IMMP2L: variants seen among roughly 807,000 people sequenced by gnomAD.
IMMP2L encodes inner mitochondrial membrane peptidase subunit 2, also known as mitochondrial inner membrane protease subunit 2.
A neutral mutation model predicts 19.3 loss-of-function variants in IMMP2L; 18 were observed. The ratio of observed to expected loss-of-function variants is 0.93; its 90% CI spans 0.64 to 1.38. The LOEUF (loss-of-function observed/expected upper bound fraction) is 1.38, where lower values mean the gene tolerates loss of function less well. Ranked by LOEUF, IMMP2L falls within the 40% of genes most tolerant of loss-of-function variation. The pLI is 0.00. For synonymous variants in IMMP2L, 76 were observed against 73.0 expected, an observed-to-expected ratio of 1.04 and a Z score of -0.21; for missense variants, 233 against 218.2, an observed-to-expected ratio of 1.07 and a Z score of -0.43.
intron 3 of IMMP2L, among the ~76,000 whole-genome samples, chr7:111,353,819 A>G (rs1445722359): frequency 6.6e-6 from 1 of 152,178 alleles, no homozygotes; most frequent in Non-Finnish European, 1.5e-5. Context: ...GATAGACACC[A>G]TAAACATAGT....
chr7:111,155,468 G>C (rs1052155255), intron 3 of IMMP2L, among the ~76,000 whole-genome samples: 1 of 151,970 alleles, frequency 6.6e-6, no homozygotes. Flanking sequence ...AAATAAATTG[G>C]AACATTAGAA....
intron 3 of IMMP2L, among the ~76,000 whole-genome samples, chr7:111,362,240 T>C (rs1829328953): frequency 6.6e-6 from 1 of 152,078 alleles, no homozygotes; most frequent in Non-Finnish European, 1.5e-5. Context: ...ATGTAATCGT[T>C]TTTATTTCTA....
At chr7:111,288,776 T>C (rs1402707448) in intron 3 of IMMP2L, among the ~76,000 whole-genome samples, 1 of 152,118 alleles carries the variant, frequency 6.6e-6, no homozygotes, top group Non-Finnish European at 1.5e-5. Context: ...CAACAGATGC[T>C]GGAGAGGATG....
rs1691213741 is a variant in IMMP2L, at chr7:110,803,256, A to C, written c.408+83337T>G. Among the ~76,000 whole-genome samples, 1 of 152,002 alleles carries C rather than the reference A, an allele frequency of 6.6e-6. No individual in the cohort carries two copies. Among genetic ancestry groups the C allele is most frequent in the Admixed American group, 6.6e-5 (1 of 15,256 alleles). The stretch of plus-strand genomic sequence containing the variant: ...GGGATGGTGAGGATCAGATAGACCA[A>C]AGAAGAGAGGGTTAGGAAGCAGCTG... On this transcript the variant is annotated intron_variant, in intron 5 of 5. Coordinates refer to ENST00000405709, the MANE Select transcript of IMMP2L (RefSeq NM_032549.4). The surrounding 1 kb of genome is among the most constrained non-coding windows in gnomAD (Gnocchi z 4.2).
intron 4 of IMMP2L, among the ~76,000 whole-genome samples, chr7:110,908,864 C>A (rs1812748106): frequency 6.6e-6 from 1 of 152,188 alleles, no homozygotes; most frequent in Non-Finnish European, 1.5e-5. Flanking sequence ...GTGCCATGCA[C>A]TGGGATGCAA....
At chr7:111,364,002 C>T (rs763071583) in intron 3 of IMMP2L, among the ~76,000 whole-genome samples, 12 of 151,924 alleles carry the variant, frequency 7.9e-5, no homozygotes, top group South Asian at 2.1e-4. Flanking sequence ...TGTAAGATCC[C>T]CCCCCACACA....
intron 5 of IMMP2L, among the ~76,000 whole-genome samples, chr7:110,790,015 T>A (rs1012902140): frequency 6.6e-6 from 1 of 151,730 alleles, no homozygotes; most frequent in Non-Finnish European, 1.5e-5. Context: ...CCTTATACAT[T>A]TGTTAATTTA....
intron 5 of IMMP2L, among the ~76,000 whole-genome samples, chr7:110,768,386 T>C (rs1683064256): frequency 6.6e-6 from 1 of 151,498 alleles, no homozygotes; most frequent in Admixed American, 6.6e-5. Context: ...TGCACAGGGC[T>C]CTGCAGGCCA....
At chr7:111,225,246 A>G (rs1326320733) in intron 3 of IMMP2L, among the ~76,000 whole-genome samples, 1 of 152,134 alleles carries the variant, frequency 6.6e-6, no homozygotes, top group Non-Finnish European at 1.5e-5. Context: ...AGCAAAAAGT[A>G]GAAGTTTGAA....
intron 4 of IMMP2L, among the ~76,000 whole-genome samples, chr7:110,929,865 T>C (rs1815276029): frequency 6.6e-6 from 1 of 152,102 alleles, no homozygotes; most frequent in Admixed American, 6.6e-5. Flanking sequence ...AGAAATGTCA[T>C]GAAATGATTG....
At chr7:111,548,342 C>A (rs1280380336) in intron 1 of IMMP2L, among the ~76,000 whole-genome samples, 1 of 152,042 alleles carries the variant, frequency 6.6e-6, no homozygotes, top group African/African-American at 2.4e-5. Context: ...TAACACCTAA[C>A]AGGAATTGTC....
At chr7:111,017,228 T>C (rs1283207130) in intron 3 of IMMP2L, among the ~76,000 whole-genome samples, 1 of 151,140 alleles carries the variant, frequency 6.6e-6, no homozygotes, top group Non-Finnish European at 1.5e-5. Flanking sequence ...CCACCATGCC[T>C]GGCTCGTATT....
intron 3 of IMMP2L, among the ~76,000 whole-genome samples, chr7:111,004,001 A>G (rs1439103240): frequency 6.6e-6 from 1 of 152,192 alleles, no homozygotes; most frequent in African/African-American, 2.4e-5. Flanking sequence ...GCAATGAATC[A>G]TTGCCAAAGA....
Position 111,010,599 on chromosome 7 carries a change from T to C in IMMP2L, c.240-47034A>G, listed in dbSNP as rs143963678. On this transcript the variant is annotated intron_variant, in intron 3 of 5. Coordinates refer to ENST00000405709, the MANE Select transcript of IMMP2L (RefSeq NM_032549.4). ...TTACTACTGATCACAGTTTACGAAA[T>C]TGTTGCGCTACAGGGAATGTATAGA... is the stretch of plus-strand genomic sequence containing the variant. Among the ~76,000 whole-genome samples, 603 of 152,208 alleles carry C rather than the reference T, an allele frequency of 4.0e-3. 3 individuals carry two copies. Among genetic ancestry groups the C allele is most frequent in the Non-Finnish European group, 6.8e-3 (463 of 68,000 alleles).
chr7:111,310,232 CA>C (rs11418566), intron 3 of IMMP2L, among the ~76,000 whole-genome samples: 199 of 134,664 alleles, frequency 1.5e-3, no homozygotes, highest in African/African-American at 3.9e-3. Flanking sequence ...GACTCCATCT[CA>C]AAAAAAAAAA....
At chr7:111,533,152 A>G (rs2132828760) in intron 1 of IMMP2L, among the ~76,000 whole-genome samples, 1 of 152,316 alleles carries the variant, frequency 6.6e-6, no homozygotes, top group East Asian at 1.9e-4. Flanking sequence ...GCCTGGAGAT[A>G]AAAGCAGATG....
chr7:110,798,326 G>A (rs998846787), intron 5 of IMMP2L, among the ~76,000 whole-genome samples: 1 of 151,884 alleles, frequency 6.6e-6, no homozygotes, highest in East Asian at 1.9e-4. Context: ...CATTTCCGAG[G>A]AACATTTACT....
intron 3 of IMMP2L, among the ~76,000 whole-genome samples, chr7:110,996,883 G>A (rs892222691): frequency 6.6e-6 from 1 of 152,036 alleles, no homozygotes; most frequent in Admixed American, 6.6e-5. Flanking sequence ...CATGCAGTTA[G>A]TTGTGAGTGT....
intron 3 of IMMP2L, among the ~76,000 whole-genome samples, chr7:111,079,656 A>C (rs1795723871): frequency 6.6e-6 from 1 of 152,146 alleles, no homozygotes; most frequent in Admixed American, 6.5e-5. Context: ...TGAGCTCCTA[A>C]CTTTATGATT....
Sources: allele counts gnomAD v4.1 joint callset (sites outside exome capture counted in the v4.1 genomes callset), GRCh38; gene constraint gnomAD v4.1.1; non-coding constraint Gnocchi (gnomAD v3.1); transcripts MANE v1.5; gene names NCBI Gene and HGNC (gene_info 2026-07-23, HGNC 2026-07-21).